The following STOX2 variants were observed in gnomAD, a reference collection of about 807,000 sequenced individuals.
The protein encoded by STOX2 is storkhead-box protein 2.
In STOX2, 28 loss-of-function variants were observed where a neutral mutation model predicts 60.9. The ratio of observed to expected loss-of-function variants is 0.46; its 90% CI spans 0.34 to 0.63. The LOEUF is 0.63. Ranked by LOEUF, STOX2 falls within the 30% of genes least tolerant of loss-of-function variation. STOX2 has a pLI of 0.01. For missense variants in STOX2, 1,024 were observed against 1,187.7 expected, an observed-to-expected ratio of 0.86 and a Z score of 2.03; for synonymous variants, 472 against 463.9, an observed-to-expected ratio of 1.02 and a Z score of -0.22.
At chr4:183,817,697 A>G (rs1465627462) in intron 1 of STOX2, among the ~76,000 whole-genome samples, 2 of 152,202 alleles carry the variant, frequency 1.3e-5, no homozygotes, top group African/African-American at 4.8e-5. Context: ...GTTTAGGTGA[A>G]TTCAGGTCAC....
chr4:183,914,389 G>A (rs892781330), intron 1 of STOX2, among the ~76,000 whole-genome samples: 2 of 152,206 alleles, frequency 1.3e-5, no homozygotes, highest in Non-Finnish European at 2.9e-5. Flanking sequence ...AGCGAGCCGA[G>A]ATTGTGCCAC....
chr4:183,853,091 A>G (rs368691864), intron 1 of STOX2, among the ~76,000 whole-genome samples: 23 of 152,310 alleles, frequency 1.5e-4, no homozygotes, highest in African/African-American at 5.1e-4. Flanking sequence ...GACCTCAGCA[A>G]TGGTTCCCAG....
chr4:183,936,276 C>CTATA (rs1251613644), intron 1 of STOX2, among the ~76,000 whole-genome samples: 1 of 152,168 alleles, frequency 6.6e-6, no homozygotes, highest in African/African-American at 2.4e-5. Context: ...GCTGGGGAAG[C>CTATA]TATAGCCTCG....
chr4:184,015,888 A>G (rs375249853), intron 3 of STOX2: 43 of 152,354 alleles, frequency 2.8e-4, no homozygotes, highest in African/African-American at 9.6e-4. Context: ...GCCCTGGCAC[A>G]GGAAAGCTAC....
At chr4:183,803,224 CAT>C (rs529270588) in intron 1 of STOX2, among the ~76,000 whole-genome samples, 18 of 152,250 alleles carry the variant, frequency 1.2e-4, no homozygotes, top group Admixed American at 2.6e-4. Flanking sequence ...CCTCCCATAA[CAT>C]GTGGGAATTA....
intron 1 of STOX2, among the ~76,000 whole-genome samples, chr4:183,844,240 G>A (rs770394841): frequency 1.3e-4 from 20 of 151,982 alleles, no homozygotes; most frequent in South Asian, 1.2e-3. Context: ...CCCATGTTCC[G>A]GTTGAATATT....
At chr4:183,889,101 C>T (rs1741148004) in intron 1 of STOX2, among the ~76,000 whole-genome samples, 2 of 151,924 alleles carry the variant, frequency 1.3e-5, no homozygotes, top group African/African-American at 4.8e-5. Context: ...AAAGGATCGT[C>T]CTCAACGACA....
chr4:183,874,954 T>A (rs10020901), intron 1 of STOX2, among the ~76,000 whole-genome samples: 1,053 of 20,694 alleles, frequency 0.051, 15 homozygotes, highest in East Asian at 0.11. Flanking sequence ...AAAAAAAAAA[T>A]ATATATATAT....
intron 1 of STOX2, among the ~76,000 whole-genome samples, chr4:183,892,738 A>G (rs1369446): frequency 0.99 from 150,377 of 152,176 alleles, 74,320 homozygotes; most frequent in Middle Eastern, 1. Flanking sequence ...TACATACTTA[A>G]GATATACTTA....
chr4:183,962,648 T>C (rs938151304), intron 1 of STOX2, among the ~76,000 whole-genome samples: 7 of 152,190 alleles, frequency 4.6e-5, no homozygotes, highest in African/African-American at 1.7e-4. Context: ...TGCTTAGAGA[T>C]TAATGGCAGA....
chr4:183,813,243 C>T (rs1436380864), intron 1 of STOX2, among the ~76,000 whole-genome samples: 1 of 152,142 alleles, frequency 6.6e-6, no homozygotes, highest in African/African-American at 2.4e-5. Flanking sequence ...ATTAGCCGGG[C>T]AAGGTGGCGG....
intron 1 of STOX2, among the ~76,000 whole-genome samples, chr4:183,816,146 G>A (rs1236405451): frequency 6.6e-6 from 1 of 152,228 alleles, no homozygotes; most frequent in Non-Finnish European, 1.5e-5. Flanking sequence ...AATGTATATT[G>A]TGAAGAGTAA....
Position 183,836,642 on chromosome 4 carries a change from G to T in STOX2, c.364+38587G>T, listed in dbSNP as rs73012617. 5.5e-3 allele frequency among the ~76,000 whole-genome samples: 831 copies of T among 152,256 alleles called. 11 individuals are homozygous for T. Among genetic ancestry groups the T allele is most frequent in the African/African-American group, 0.019 (789 of 41,530 alleles). On this transcript the variant is annotated intron_variant, in intron 1 of 2. Coordinates refer to the STOX2 transcript ENST00000513034. This position sits in a 1 kb window ranked among gnomAD's most constrained non-coding sequence, Gnocchi z 4.1. Reference sequence around the variant, plus strand: ...TGCAGTCTTCCATGTCCTGGGAAGGGGTGACCTGGTATTAGTGAGCATCAG... The same window carrying T: ...TGCAGTCTTCCATGTCCTGGGAAGGTGTGACCTGGTATTAGTGAGCATCAG...
chr4:183,993,904 G>A (rs531666574), intron 1 of STOX2, among the ~76,000 whole-genome samples: 1 of 152,320 alleles, frequency 6.6e-6, no homozygotes, highest in African/African-American at 2.4e-5. Context: ...GGGTGCTGTG[G>A]TCTTCAAGAG....
At chr4:183,879,791 C>T (rs1740913410) in intron 1 of STOX2, among the ~76,000 whole-genome samples, 1 of 150,580 alleles carries the variant, frequency 6.6e-6, no homozygotes, top group South Asian at 2.1e-4. Flanking sequence ...GGGATGGGAG[C>T]AGGATGCTAA....
chr4:183,832,250 A>G (rs555579820), intron 1 of STOX2, among the ~76,000 whole-genome samples: 1 of 151,990 alleles, frequency 6.6e-6, no homozygotes, highest in Admixed American at 6.6e-5. Context: ...ATGGCCTTCC[A>G]AAGTGCTGGG....
At chr4:183,888,446 G>T (rs1217211012) in intron 1 of STOX2, among the ~76,000 whole-genome samples, 2 of 152,158 alleles carry the variant, frequency 1.3e-5, no homozygotes, top group Non-Finnish European at 2.9e-5. Flanking sequence ...AGGCAGGCTG[G>T]CTCTGCATTC....
intron 1 of STOX2, among the ~76,000 whole-genome samples, chr4:183,815,009 T>A (rs902255227): frequency 5.9e-5 from 9 of 151,370 alleles, no homozygotes; most frequent in Middle Eastern, 6.8e-3. Context: ...TTTTATTTTA[T>A]TTTTTTTCAA....
chr4:183,822,747 G>C (rs1262034815), intron 1 of STOX2, among the ~76,000 whole-genome samples: 1 of 152,192 alleles, frequency 6.6e-6, no homozygotes, highest in Non-Finnish European at 1.5e-5. Flanking sequence ...TTCCTAATAG[G>C]CCACAGTACC....
Sources: gnomAD v4.1 joint callset for allele counts (sites outside exome capture counted in the v4.1 genomes callset) on GRCh38, gnomAD v4.1.1 for gene constraint, Gnocchi (gnomAD v3.1) non-coding constraint, MANE v1.5 for transcripts, NCBI Gene and HGNC (gene_info 2026-07-23, HGNC 2026-07-21) for gene names.